The following CCDC68 variants were observed in gnomAD, a reference collection of about 807,000 sequenced individuals.
CCDC68 encodes the protein coiled-coil domain-containing protein 68.
Under a neutral mutation model 47.1 loss-of-function variants are expected in CCDC68, and 45 were observed. The observed-to-expected ratio is 0.96, with a 90% CI of 0.75 to 1.23. The LOEUF is 1.23. Ranked by LOEUF, CCDC68 falls within the 50% of genes most tolerant of loss-of-function variation. CCDC68 has a pLI of 0.00. For missense variants in CCDC68, 353 were observed against 373.6 expected, an observed-to-expected ratio of 0.94 and a Z score of 0.45; for synonymous variants, 131 against 129.5, an observed-to-expected ratio of 1.01 and a Z score of -0.08.
At chr18:54,930,608 T>A (rs1385172400) in intron 7 of CCDC68, among the ~76,000 whole-genome samples, 32 of 124,266 alleles carry the variant, frequency 2.6e-4, no homozygotes, top group African/African-American at 9.6e-4. Context: ...CCTTCCTTCC[T>A]TCCTTCCCTT....
At chr18:54,953,259 T>A (rs1186128173) in intron 1 of CCDC68, among the ~76,000 whole-genome samples, 1 of 151,918 alleles carries the variant, frequency 6.6e-6, no homozygotes, top group Non-Finnish European at 1.5e-5. Flanking sequence ...TTGTTAGTGA[T>A]CATGGTTCTA....
intron 1 of CCDC68, among the ~76,000 whole-genome samples, chr18:54,947,690 A>G (rs1030112703): frequency 2.0e-5 from 3 of 152,246 alleles, no homozygotes; most frequent in Non-Finnish European, 2.9e-5. Flanking sequence ...TTTGTCAAAC[A>G]AGTACATAAA....
At chr18:54,918,426 C>A (rs147371278) in intron 9 of CCDC68, among the ~76,000 whole-genome samples, 2 of 152,264 alleles carry the variant, frequency 1.3e-5, no homozygotes, top group East Asian at 3.9e-4. Flanking sequence ...CCTGCTTTGC[C>A]AAGAGGCAAT....
chr18:54,906,698 C>T (rs1914029199), intron 11 of CCDC68, among the ~76,000 whole-genome samples: 1 of 152,176 alleles, frequency 6.6e-6, no homozygotes, highest in Admixed American at 6.5e-5. Flanking sequence ...ACTGAAGTGA[C>T]TCGACTCTCC....
intron 11 of CCDC68, among the ~76,000 whole-genome samples, chr18:54,904,997 T>C (rs1021570911): frequency 6.6e-6 from 1 of 152,086 alleles, no homozygotes; most frequent in Non-Finnish European, 1.5e-5. Flanking sequence ...CAGTGGCTCA[T>C]GACTGTAATC....
At chr18:54,920,654 G>T (rs571540551) in intron 8 of CCDC68, among the ~76,000 whole-genome samples, 29 of 152,220 alleles carry the variant, frequency 1.9e-4, no homozygotes, top group African/African-American at 6.7e-4. Flanking sequence ...ATACCATCTC[G>T]CAGCAGTCAT....
At chr18:54,905,719 C>A (rs1434410940) in intron 11 of CCDC68, among the ~76,000 whole-genome samples, 1 of 152,064 alleles carries the variant, frequency 6.6e-6, no homozygotes, top group African/African-American at 2.4e-5. Flanking sequence ...CAGGGGTGCC[C>A]ATGACTGGTG....
At chr18:54,940,871 T>G (rs1292966308) in intron 4 of CCDC68, 126 bp downstream of exon 4, 3 of 646,814 alleles carry the variant, frequency 4.6e-6, no homozygotes, top group Non-Finnish European at 8.1e-6. Flanking sequence ...GCCATTAACG[T>G]CTTTAGATAT....
At chr18:54,946,463 G>A (rs2044529646) in intron 1 of CCDC68, among the ~76,000 whole-genome samples, 1 of 152,162 alleles carries the variant, frequency 6.6e-6, no homozygotes, top group Admixed American at 6.5e-5. Context: ...TGGATCTACA[G>A]TCCCATTTGA....
At chr18:54,935,060 T>C in intron 6 of CCDC68, 112 bp from the exon 7 acceptor site, 1 of 732,170 alleles carries the variant, frequency 1.4e-6, no homozygotes, top group East Asian at 3.3e-5. Flanking sequence ...GAATTCATAC[T>C]TGTTTAGAAT....
chr18:54,905,010 A>G (rs967314999), intron 11 of CCDC68, among the ~76,000 whole-genome samples: 2 of 152,130 alleles, frequency 1.3e-5, no homozygotes, highest in African/African-American at 4.8e-5. Context: ...CTGTAATCCC[A>G]ACACTTTGGG....
At chr18:54,940,479 A>G (rs1421777928) in intron 4 of CCDC68, among the ~76,000 whole-genome samples, 2 of 152,232 alleles carry the variant, frequency 1.3e-5, no homozygotes, top group Non-Finnish European at 2.9e-5. Flanking sequence ...CCATGCCTAT[A>G]GTGGACAACA....
intron 1 of CCDC68, among the ~76,000 whole-genome samples, chr18:54,950,507 C>T (rs963219345): frequency 6.6e-6 from 1 of 152,084 alleles, no homozygotes; most frequent in Non-Finnish European, 1.5e-5. Context: ...TACGCTGTAC[C>T]CAAGTTCTGT....
At chr18:54,943,939 T>C (rs774744218) in intron 2 of CCDC68, among the ~76,000 whole-genome samples, 1 of 152,120 alleles carries the variant, frequency 6.6e-6, no homozygotes, top group African/African-American at 2.4e-5. Context: ...ACCGATCACT[T>C]GAGGTCAGGA....
At chr18:54,933,272 G>A (rs2044293684) in intron 7 of CCDC68, among the ~76,000 whole-genome samples, 1 of 152,014 alleles carries the variant, frequency 6.6e-6, no homozygotes, top group Admixed American at 6.6e-5. Flanking sequence ...AGTAGAGACG[G>A]GGTTTCACCA....
chr18:54,955,454 C>G (rs2044695572), intron 1 of CCDC68, among the ~76,000 whole-genome samples: 1 of 152,134 alleles, frequency 6.6e-6, no homozygotes, highest in African/African-American at 2.4e-5. Flanking sequence ...TTTAGGCTCA[C>G]AGAACTGGCT....
At chr18:54,933,336 C>T (rs540204922) in intron 7 of CCDC68, among the ~76,000 whole-genome samples, 1 of 152,298 alleles carries the variant, frequency 6.6e-6, no homozygotes, top group South Asian at 2.1e-4. Flanking sequence ...CCACCTCGGC[C>T]TCCCAAAGTG....
At chr18:54,921,627 C>T (rs138355290) in intron 8 of CCDC68, among the ~76,000 whole-genome samples, 43 of 152,240 alleles carry the variant, frequency 2.8e-4, no homozygotes, top group Admixed American at 1.2e-3. Context: ...CACAAAATGA[C>T]GGGGGAACAA....
intron 1 of CCDC68, among the ~76,000 whole-genome samples, chr18:54,956,759 C>T (rs1021382153): frequency 1.3e-5 from 2 of 152,072 alleles, no homozygotes; most frequent in Admixed American, 6.5e-5. Context: ...GGGGTAAGAA[C>T]GGTGAGTGAT....
Sources: gnomAD v4.1 joint callset for allele counts (sites outside exome capture counted in the v4.1 genomes callset) on GRCh38, gnomAD v4.1.1 for gene constraint, MANE v1.5 for transcripts, NCBI Gene and HGNC (gene_info 2026-07-23, HGNC 2026-07-21) for gene names.